The following TENM2 variants were observed in gnomAD, a reference collection of about 807,000 sequenced individuals.
TENM2 encodes the protein teneurin-2.
TENM2 carries 52 observed loss-of-function variants against 245.2 expected under a neutral mutation model. The ratio of observed to expected loss-of-function variants is 0.21; its 90% CI spans 0.17 to 0.27. The LOEUF (loss-of-function observed/expected upper bound fraction) is 0.27. Ranked by LOEUF, TENM2 falls within the 10% of genes least tolerant of loss-of-function variation. The pLI, the probability that TENM2 is intolerant of heterozygous loss-of-function variation, is 1.00. For synonymous variants in TENM2, 1,363 were observed against 1,438.9 expected (o/e 0.95, Z 1.19); for missense variants, 3,046 against 3,666.8 (o/e 0.83, Z 4.37).
At chr5:167,119,821 T>C in the TENM2 span, among the ~76,000 whole-genome samples, 1 of 152,196 alleles carries the variant, frequency 6.6e-6, no homozygotes, top group Non-Finnish European at 1.5e-5. Flanking sequence ...TCACCCAGCA[T>C]GTCTGTTTTC....
At chr5:168,120,793 G>A (rs113994842) in intron 10 of TENM2, among the ~76,000 whole-genome samples, 486 of 152,226 alleles carry the variant, frequency 3.2e-3, no homozygotes, top group African/African-American at 0.011. Flanking sequence ...TCTGATATTC[G>A]TCATAGTCAT....
At chr5:167,750,488 G>A (rs1417402722) in intron 2 of TENM2, among the ~76,000 whole-genome samples, 1 of 152,138 alleles carries the variant, frequency 6.6e-6, no homozygotes, top group Non-Finnish European at 1.5e-5. Flanking sequence ...TAAAGGGGAT[G>A]AGTCCAGATG....
At position 167,611,240 on chromosome 5, in the gene TENM2, C is replaced by CT. The variant is rs1444738622; in HGVS notation, c.502+235775dup. On this transcript the variant is annotated intron_variant, in intron 2 of 28. Coordinates refer to ENST00000518659, the Ensembl canonical transcript of TENM2. ...GCATTTGACATTATCAATATCTCTACTTTTTTTTCTTTAATACCAGGTTTC... is the reference window on the plus strand; with the variant it reads ...GCATTTGACATTATCAATATCTCTACTTTTTTTTTCTTTAATACCAGGTTTC... Among the ~76,000 whole-genome samples the CT allele has an allele frequency of 3.9e-5, 6 of 152,224 alleles. No individual in the cohort carries two copies. In the South Asian group the frequency reaches 8.3e-4, roughly 21 times the overall value.
Position 167,773,510 on chromosome 5 carries a change from T to C in TENM2, c.503-102476T>C, listed in dbSNP as rs545613238. Among the ~76,000 whole-genome samples the C allele has an allele frequency of 4.3e-4, 66 of 152,288 alleles. 1 individual carries two copies. In the South Asian group the frequency reaches 1.0e-2, roughly 23 times the overall value. ...TCATAGATATTTTCTGAGGTTACAATTGAGAATTCTTAGTGTCCCTGCCAC... is the reference window on the plus strand; with the variant it reads ...TCATAGATATTTTCTGAGGTTACAACTGAGAATTCTTAGTGTCCCTGCCAC... On this transcript the variant is annotated intron_variant, in intron 2 of 28. Coordinates refer to ENST00000518659, the Ensembl canonical transcript of TENM2.
intron 2 of TENM2, among the ~76,000 whole-genome samples, chr5:167,872,548 G>GAAAGAAAGAAAGAGAA (rs1313191288): frequency 1.4e-3 from 92 of 65,260 alleles, no homozygotes; most frequent in Non-Finnish European, 2.7e-3. Flanking sequence ...AAGAAAGAAA[G>GAAAGAAAGAAAGAGAA]AGAAAGAAAG....
At chr5:167,861,773 G>A (rs562121756) in intron 2 of TENM2, among the ~76,000 whole-genome samples, 21 of 152,272 alleles carry the variant, frequency 1.4e-4, no homozygotes, top group African/African-American at 3.6e-4. Flanking sequence ...TTTGTATCTC[G>A]CTGAGCCTGA....
rs187557895 is a variant in TENM2 at position 167,517,425 on chromosome 5, G to A, written c.502+141952G>A. On this transcript the variant is annotated intron_variant, in intron 2 of 28. Transcript: ENST00000518659. The stretch of plus-strand genomic sequence containing the variant: ...ATCTATTTGAAATACTTCAAGGGAG[G>A]GATAGGGAGATAATGGATGGTCTCA... 2.4e-3 allele frequency among the ~76,000 whole-genome samples: 362 copies of A among 152,198 alleles called. 2 individuals are homozygous for A. The highest frequency in any genetic ancestry group is 8.1e-3 in the African/African-American group (335 of 41,542).
In TENM2 at chr5:167,551,392, A is replaced by G. The variant is rs149461537; in HGVS notation, c.502+175919A>G. 6.2e-4 allele frequency among the ~76,000 whole-genome samples: 95 copies of G among 152,294 alleles called. 2 individuals carry two copies. Among genetic ancestry groups the G allele is most frequent in the African/African-American group, 2.0e-3 (85 of 41,564 alleles). ...ACCTGAAAGCAAAACATAAGGCTAT[A>G]GATTCTTTATCCATCTGCCCGCTCA... On this transcript the variant is annotated intron_variant, in intron 2 of 28. Coordinates refer to ENST00000518659, the Ensembl canonical transcript of TENM2.
chr5:168,216,642 T>C, intron 21 of TENM2, 126 bp from the exon 24 acceptor site: 1 of 824,424 alleles, frequency 1.2e-6, no homozygotes, highest in East Asian at 2.6e-5. Flanking sequence ...GCTCTGAGGG[T>C]ACTAATCAAT....
intron 4 of TENM2, among the ~76,000 whole-genome samples, chr5:167,985,388 C>T (rs767539079): frequency 1.3e-5 from 2 of 152,130 alleles, no homozygotes; most frequent in Non-Finnish European, 2.9e-5. Flanking sequence ...GAACAACAGT[C>T]GACACCTGGT....
At chr5:167,949,518 G>A (rs1779911728) in intron 3 of TENM2, among the ~76,000 whole-genome samples, 1 of 152,082 alleles carries the variant, frequency 6.6e-6, no homozygotes, top group South Asian at 2.1e-4. Context: ...CTCTACACTT[G>A]GTTTTCGGGG....
At chr5:167,447,404 G>A (rs1765295987) in intron 2 of TENM2, among the ~76,000 whole-genome samples, 1 of 152,328 alleles carries the variant, frequency 6.6e-6, no homozygotes, top group East Asian at 1.9e-4. Context: ...ACATTAATGT[G>A]TATTAAAATA....
At chr5:167,209,934 T>G in the TENM2 span, among the ~76,000 whole-genome samples, 1 of 152,196 alleles carries the variant, frequency 6.6e-6, no homozygotes, top group Non-Finnish European at 1.5e-5. Flanking sequence ...ACAATTAACT[T>G]TTTCCTTGGT....
chr5:167,207,578 A>T, the TENM2 span, among the ~76,000 whole-genome samples: 1 of 152,208 alleles, frequency 6.6e-6, no homozygotes, highest in African/African-American at 2.4e-5. Flanking sequence ...GTTAGAAGTT[A>T]GTACTACACA....
the TENM2 span, among the ~76,000 whole-genome samples, chr5:167,000,720 C>G: frequency 6.6e-6 from 1 of 152,146 alleles, no homozygotes. Flanking sequence ...CTACCTTGTA[C>G]AGAGCTTGTT....
the TENM2 span, among the ~76,000 whole-genome samples, chr5:167,269,243 T>A: frequency 6.6e-6 from 1 of 152,126 alleles, no homozygotes; most frequent in Non-Finnish European, 1.5e-5. Context: ...CTAAGGCCTT[T>A]TAAACATTTT....
At chr5:167,113,512 A>G in the TENM2 span, among the ~76,000 whole-genome samples, 2 of 151,836 alleles carry the variant, frequency 1.3e-5, no homozygotes, top group Non-Finnish European at 2.9e-5. Flanking sequence ...GCATGGTGGC[A>G]TGCACCTGTA....
At chr5:167,651,566 A>G (rs1483606966) in intron 2 of TENM2, among the ~76,000 whole-genome samples, 2 of 152,134 alleles carry the variant, frequency 1.3e-5, no homozygotes, top group Non-Finnish European at 1.5e-5. Flanking sequence ...AGACATATGT[A>G]GAAGTTGTGA....
intron 2 of TENM2, among the ~76,000 whole-genome samples, chr5:167,833,701 C>T (rs1248796144): frequency 6.6e-6 from 1 of 152,210 alleles, no homozygotes; most frequent in African/African-American, 2.4e-5. Flanking sequence ...TCCTTGTGGG[C>T]CAGCCAGTCT....
Sources: gnomAD v4.1 joint callset for allele counts (sites outside exome capture counted in the v4.1 genomes callset) on GRCh38, gnomAD v4.1.1 for gene constraint, MANE v1.5 for transcripts, NCBI Gene and HGNC (gene_info 2026-07-23, HGNC 2026-07-21) for gene names.